JARID2: variants seen among roughly 807,000 people sequenced by gnomAD.
The protein encoded by JARID2 is jumonji and AT-rich interaction domain containing 2, also known as protein Jumonji.
A neutral mutation model predicts 125.6 loss-of-function variants in JARID2; 21 were observed. The observed-to-expected ratio is 0.17, with a 90% confidence interval of 0.12 to 0.24. The LOEUF is 0.24. JARID2 is among the 10% of genes least tolerant of loss of function. JARID2 has a pLI of 1.00. For synonymous variants in JARID2, 736 were observed against 661.6 expected, an observed-to-expected ratio of 1.11 and a Z score of -1.73; for missense variants, 1,303 against 1,639.6, an observed-to-expected ratio of 0.79 and a Z score of 3.55.
intron 4 of JARID2, among the ~76,000 whole-genome samples, chr6:15,455,262 T>A (rs1303937044): frequency 4.0e-5 from 6 of 148,378 alleles, no homozygotes; most frequent in South Asian, 2.1e-4. Context: ...TGGCTTAAAA[T>A]TTTTTTTTTT....
chr6:15,279,525 A>G (rs760480830), intron 1 of JARID2, among the ~76,000 whole-genome samples: 3 of 152,004 alleles, frequency 2.0e-5, no homozygotes, highest in Non-Finnish European at 2.9e-5. Flanking sequence ...ATTACTCTTT[A>G]TCTCCCTTCT....
In JARID2 at chr6:15,511,279, G is replaced by C. The variant is rs758026570; in HGVS notation, c.2847-17G>C. Reference sequence around the variant, plus strand: ...TGTCAAGTCTCTGCTTGTCTCTTGTGTCTCTCAATGACCCAGGTATTGCAT... The same window carrying C: ...TGTCAAGTCTCTGCTTGTCTCTTGTCTCTCTCAATGACCCAGGTATTGCAT... On this transcript the variant is annotated splice_polypyrimidine_tract_variant and intron_variant, in intron 12 of 17. Transcript: ENST00000341776. The C allele has an allele frequency of 9.6e-6, 15 of 1,569,238 alleles. No homozygotes were observed. Among genetic ancestry groups the C allele is most frequent in the Admixed American group, 1.7e-5 (1 of 59,940 alleles).
At chr6:15,509,055 C>T (rs769900870) in intron 12 of JARID2, 73 of 1,289,162 alleles carry the variant, frequency 5.7e-5, no homozygotes, top group Non-Finnish European at 6.7e-5. Context: ...TGGAGACACG[C>T]GCGTTATGTA....
Position 15,410,380 on chromosome 6 carries a change from C to CTG in JARID2, c.323+16_323+17dup. ...TCGAGGAAAAGGTTAGTACCCAAGG[C>CTG]TGAAAATATTGGTACCTTCAACCAG... On this transcript the variant is annotated intron_variant, in intron 3 of 17. Transcript: ENST00000341776. 6.2e-7 allele frequency: 1 copy of CTG among 1,612,244 alleles called. No individual in the cohort carries two copies. Among genetic ancestry groups the CTG allele is most frequent in the Non-Finnish European group, 8.5e-7 (1 of 1,178,524 alleles).
chr6:15,517,110 G>A, intron 16 of JARID2, 51 bp from the exon 17 acceptor site: 2 of 1,394,838 alleles, frequency 1.4e-6, no homozygotes, highest in Middle Eastern at 1.8e-4. Context: ...ACCCTCCCAG[G>A]GCGCTGTGGA....
rs145711675 is a variant in JARID2, at chr6:15,426,144, G to A, written c.323+15779G>A. ...CAGTTTGCCTTGGGAGGGGACAGCA[G>A]CTACTTGAGACCTGCCACTCAGGAA... is the stretch of plus-strand genomic sequence containing the variant. On this transcript the variant is annotated intron_variant, in intron 3 of 17. Transcript: ENST00000341776. Among the ~76,000 whole-genome samples the A allele has an allele frequency of 1.1e-4, 17 of 152,260 alleles. No individual in the cohort carries two copies. In the East Asian group the frequency reaches 2.5e-3, roughly 22 times the overall value.
intron 12 of JARID2, among the ~76,000 whole-genome samples, chr6:15,510,926 C>T (rs1771247793): frequency 6.6e-6 from 1 of 152,252 alleles, no homozygotes; most frequent in African/African-American, 2.4e-5. Context: ...GGGTGCAGTG[C>T]TGGAGCCTCA....
rs1488272913 is a variant in JARID2 at position 15,246,079 on chromosome 6, C to G, written c.-461C>G. Among the ~76,000 whole-genome samples, 1 of 152,154 alleles carries G rather than the reference C, an allele frequency of 6.6e-6. No individual in the cohort carries two copies. Among genetic ancestry groups the G allele is most frequent in the Non-Finnish European group, 1.5e-5 (1 of 67,988 alleles). ...GCCGCCGCCGCCGCTGGAGTTGACT[C>G]TTCTGCTCGCACTGCTGCTGCAGCA... On this transcript the variant is annotated 5_prime_UTR_variant, in exon 1 of 18. Transcript: ENST00000341776.
intron 1 of JARID2, among the ~76,000 whole-genome samples, chr6:15,356,831 A>G (rs1763615527): frequency 6.6e-6 from 1 of 152,060 alleles, no homozygotes; most frequent in African/African-American, 2.4e-5. Flanking sequence ...CCTGGCCAAC[A>G]TGGTGAAACC....
chr6:15,275,008 A>G (rs1409928707), intron 1 of JARID2, among the ~76,000 whole-genome samples: 3 of 152,180 alleles, frequency 2.0e-5, no homozygotes, highest in Admixed American at 1.3e-4. Flanking sequence ...CTGAACTTCA[A>G]GAGCCCTTCT....
chr6:15,490,216 G>T (rs1379534058), intron 6 of JARID2, among the ~76,000 whole-genome samples: 1 of 152,142 alleles, frequency 6.6e-6, no homozygotes, highest in East Asian at 1.9e-4. Flanking sequence ...AAAGATATGG[G>T]CCCAGAGGAT....
At chr6:15,468,400 G>A in intron 4 of JARID2, 142 bp from the exon 5 acceptor site, 1 of 634,500 alleles carries the variant, frequency 1.6e-6, no homozygotes, top group Non-Finnish European at 2.5e-6. Context: ...GATCTTGGGA[G>A]CATTTGAAAA....
At chr6:15,503,837 C>G (rs1052958970) in intron 8 of JARID2, among the ~76,000 whole-genome samples, 3 of 152,222 alleles carry the variant, frequency 2.0e-5, no homozygotes, top group African/African-American at 7.2e-5. Context: ...TCCGGATTCC[C>G]AAACTGACTC....
rs576307670 is a variant in JARID2 at position 15,449,723 on chromosome 6, A to T, written c.324-2283A>T. On this transcript the variant is annotated intron_variant, in intron 3 of 17. Coordinates refer to ENST00000341776, the MANE Select transcript of JARID2 (RefSeq NM_004973.4). ...TCTGAATGACCTACATTGTTTGTAG[A>T]TTTTTTTTAAGGACTATAGATTACC... is the stretch of plus-strand genomic sequence containing the variant. Among the ~76,000 whole-genome samples the T allele has an allele frequency of 4.6e-5, 7 of 152,012 alleles. No homozygotes were observed. The South Asian group carries it at 1.5e-3, about 32-fold the overall frequency.
chr6:15,485,715 G>A (rs188872625), intron 5 of JARID2, among the ~76,000 whole-genome samples: 1 of 152,324 alleles, frequency 6.6e-6, no homozygotes, highest in Admixed American at 6.5e-5. Flanking sequence ...AAAGAAATTT[G>A]TTAGCAGATT....
chr6:15,468,826 G>A, intron 5 of JARID2, 108 bp downstream of exon 5: 1 of 1,093,642 alleles, frequency 9.1e-7, no homozygotes. Context: ...CTCGTTCTGG[G>A]TACTTCTCCA....
At chr6:15,255,063 C>T (rs1333045220) in intron 1 of JARID2, among the ~76,000 whole-genome samples, 4 of 150,930 alleles carry the variant, frequency 2.7e-5, no homozygotes, top group Admixed American at 6.6e-5. Context: ...AAAACAACCA[C>T]TGTGTAACCA....
At chr6:15,441,509 A>G (rs1581569310) in intron 3 of JARID2, among the ~76,000 whole-genome samples, 1 of 152,090 alleles carries the variant, frequency 6.6e-6, no homozygotes, top group South Asian at 2.1e-4. Context: ...ATTGCCTGGG[A>G]TCCCTTTTCT....
At chr6:15,321,792 T>G (rs1358600800) in intron 1 of JARID2, among the ~76,000 whole-genome samples, 3 of 135,146 alleles carry the variant, frequency 2.2e-5, no homozygotes, top group Non-Finnish European at 3.2e-5. Context: ...TGTTTTTTTT[T>G]TTTTTTTTTT....
Sources: gnomAD v4.1 joint callset for allele counts (sites outside exome capture counted in the v4.1 genomes callset) on GRCh38, gnomAD v4.1.1 for gene constraint, MANE v1.5 for transcripts, NCBI Gene and HGNC (gene_info 2026-07-23, HGNC 2026-07-21) for gene names.